The following SNTG2 variants were observed in gnomAD, a reference collection of about 807,000 sequenced individuals.
SNTG2 encodes the protein syntrophin gamma 2.
SNTG2 carries 74 observed loss-of-function variants against 70.9 expected under a neutral mutation model. That is an observed-to-expected ratio of 1.04 (90% CI 0.86 to 1.27). The LOEUF is 1.27. SNTG2 is among the 50% of genes most tolerant of loss of function. The pLI is 0.00. For missense variants in SNTG2, 717 were observed against 690.7 expected (o/e 1.04, Z -0.43); for synonymous variants, 278 against 273.8 (o/e 1.02, Z -0.15).
chr2:1,304,494 A>G (rs1558192159), intron 14 of SNTG2, among the ~76,000 whole-genome samples: 1 of 152,178 alleles, frequency 6.6e-6, no homozygotes, highest in African/African-American at 2.4e-5. Flanking sequence ...TGGGAGGCCA[A>G]GGCGGGTGGA....
chr2:1,225,492 C>A (rs1027031149), intron 9 of SNTG2, among the ~76,000 whole-genome samples: 2 of 152,154 alleles, frequency 1.3e-5, no homozygotes, highest in African/African-American at 4.8e-5. Flanking sequence ...AAAGCAGTGC[C>A]AGGAGGTGGA....
chr2:1,035,438 T>C (rs1387101203), intron 1 of SNTG2, among the ~76,000 whole-genome samples: 1 of 152,208 alleles, frequency 6.6e-6, no homozygotes, highest in African/African-American at 2.4e-5. Flanking sequence ...AATTTTGTTA[T>C]CTGAATCTTT....
chr2:984,580 C>T (rs907093354), intron 1 of SNTG2, among the ~76,000 whole-genome samples: 9 of 152,294 alleles, frequency 5.9e-5, no homozygotes, highest in African/African-American at 2.2e-4. Flanking sequence ...TCTGGTTCCC[C>T]ACTCTGTGGC....
chr2:1,348,233 A>G (rs193248611), intron 16 of SNTG2, among the ~76,000 whole-genome samples: 52 of 152,266 alleles, frequency 3.4e-4, no homozygotes, highest in Non-Finnish European at 1.2e-4. Context: ...CCAAAAATAA[A>G]ATTCTAAAGC....
intron 13 of SNTG2, among the ~76,000 whole-genome samples, chr2:1,261,681 A>G (rs1678421599): frequency 6.6e-6 from 1 of 152,170 alleles, no homozygotes; most frequent in Non-Finnish European, 1.5e-5. Flanking sequence ...GGAAAAGTCA[A>G]TATTCTCATA....
intron 6 of SNTG2, among the ~76,000 whole-genome samples, chr2:1,150,052 T>C (rs1187707998): frequency 1.3e-5 from 2 of 152,208 alleles, no homozygotes; most frequent in Non-Finnish European, 2.9e-5. Context: ...GATGAAATAA[T>C]GTTCTTTAAA....
chr2:1,222,115 GTC>G (rs1172252280), intron 9 of SNTG2, among the ~76,000 whole-genome samples: 411 of 22,056 alleles, frequency 0.019, 88 homozygotes, highest in Middle Eastern at 0.11. Context: ...GTCTCTCTCT[GTC>G]TCTCTCTGTC....
chr2:1,201,558 T>C (rs1365585364), intron 8 of SNTG2, among the ~76,000 whole-genome samples: 1 of 151,852 alleles, frequency 6.6e-6, no homozygotes, highest in Non-Finnish European at 1.5e-5. Context: ...AAATGCTATA[T>C]GGCTTATGGA....
chr2:976,627 G>T (rs551765489), intron 1 of SNTG2, among the ~76,000 whole-genome samples: 1 of 152,272 alleles, frequency 6.6e-6, no homozygotes, highest in East Asian at 1.9e-4. Flanking sequence ...CTAAAATAGC[G>T]CATCTTCTAT....
intron 1 of SNTG2, among the ~76,000 whole-genome samples, chr2:1,043,351 A>G (rs527948908): frequency 1.5e-4 from 23 of 152,206 alleles, no homozygotes; most frequent in African/African-American, 5.5e-4. Flanking sequence ...CAAATATTTT[A>G]TCCCATCCTG....
chr2:1,329,259 A>C (rs888822494), intron 16 of SNTG2, among the ~76,000 whole-genome samples: 2 of 152,178 alleles, frequency 1.3e-5, no homozygotes, highest in African/African-American at 2.4e-5. Context: ...AAAGGCTAAA[A>C]AACAACAACA....
intron 16 of SNTG2, among the ~76,000 whole-genome samples, chr2:1,366,502 A>G (rs1260199552): frequency 6.6e-6 from 1 of 152,126 alleles, no homozygotes; most frequent in African/African-American, 2.4e-5. Flanking sequence ...CAGGACATTT[A>G]GTGTCTGTAA....
chr2:1,217,949 C>G (rs1391839563), intron 9 of SNTG2, among the ~76,000 whole-genome samples: 1 of 152,058 alleles, frequency 6.6e-6, no homozygotes, highest in Non-Finnish European at 1.5e-5. Flanking sequence ...TGCTTGGGAT[C>G]TCACCAGGCT....
In SNTG2 at chr2:951,477, C is replaced by T. The variant is rs143107551; in HGVS notation, c.72+409C>T. On this transcript the variant is annotated intron_variant, in intron 1 of 16. Transcript: ENST00000308624. ...ACCGGAGCGTCCCCCCTGCAGCCTT[C>T]GGGCGCCCAGGCCAGGTCTGAGTTG... 2.7e-3 allele frequency among the ~76,000 whole-genome samples: 415 copies of T among 152,298 alleles called. 1 individual carries two copies. The highest frequency in any genetic ancestry group is 9.5e-3 in the African/African-American group (394 of 41,574).
At chr2:959,724 G>A (rs905380883) in intron 1 of SNTG2, among the ~76,000 whole-genome samples, 1 of 150,330 alleles carries the variant, frequency 6.7e-6, no homozygotes, top group South Asian at 2.2e-4. Flanking sequence ...CTGCATCTCG[G>A]GTGCCGCTGT....
At chr2:1,272,622 G>T (rs1325357642) in intron 14 of SNTG2, among the ~76,000 whole-genome samples, 1 of 151,798 alleles carries the variant, frequency 6.6e-6, no homozygotes, top group Non-Finnish European at 1.5e-5. Flanking sequence ...CAGGGAACAG[G>T]TGTAGAAAGG....
chr2:1,093,426 G>A (rs922988701), intron 2 of SNTG2, among the ~76,000 whole-genome samples: 5 of 152,180 alleles, frequency 3.3e-5, no homozygotes, highest in Non-Finnish European at 4.4e-5. Flanking sequence ...CTTCAGCCAG[G>A]CTGCTGTGTG....
chr2:1,215,556 T>TC (rs1293597537), intron 9 of SNTG2, among the ~76,000 whole-genome samples: 1 of 151,588 alleles, frequency 6.6e-6, no homozygotes, highest in African/African-American at 2.4e-5. Context: ...TTTTCTTTTT[T>TC]TTCTTTTTTT....
chr2:1,124,487 G>A (rs1431283780), intron 4 of SNTG2, among the ~76,000 whole-genome samples: 2 of 151,962 alleles, frequency 1.3e-5, no homozygotes, highest in South Asian at 2.1e-4. Context: ...TAGTAGAGAC[G>A]GGGTTTCATT....
Sources: allele counts gnomAD v4.1 joint callset (sites outside exome capture counted in the v4.1 genomes callset), GRCh38; gene constraint gnomAD v4.1.1; transcripts MANE v1.5; gene names NCBI Gene and HGNC (gene_info 2026-07-23, HGNC 2026-07-21).